PARP14: variants seen among roughly 807,000 people sequenced by gnomAD.
The protein encoded by PARP14 is protein mono-ADP-ribosyltransferase PARP14.
PARP14 carries 59 observed loss-of-function variants against 154.2 expected under a neutral mutation model. The observed-to-expected ratio is 0.38, with a 90% CI of 0.31 to 0.48. The LOEUF is 0.48. Among genes scored for constraint, PARP14 ranks in the 20% least tolerant of loss-of-function variants. The probability of loss-of-function intolerance (pLI) is 0.98; values close to 1 mark genes in which losing one functional copy is unlikely to be tolerated. For synonymous variants in PARP14, 720 were observed against 780.5 expected, an observed-to-expected ratio of 0.92 and a Z score of 1.29; for missense variants, 1,734 against 2,131.6, an observed-to-expected ratio of 0.81 and a Z score of 3.67.
chr3:122,718,853 G>A lies in PARP14; in HGVS notation c.4702G>A (p.Asp1568Asn). 6.2e-7 allele frequency: 1 copy of A among 1,613,928 alleles called. No homozygotes were observed. Among genetic ancestry groups the A allele is most frequent in the Non-Finnish European group, 8.5e-7 (1 of 1,179,860 alleles). Residue 1568 changes from aspartate to asparagine, a missense_variant, in exon 14 of 17, where the codon GAT (aspartate) becomes AAT (asparagine). Asp to Asn is a conservative substitution (Grantham distance 23). Coordinates refer to ENST00000474629, the MANE Select transcript of PARP14 (RefSeq NM_017554.3). ...AAGGAGAGAAAAGAAAAAAACAGTT[G>A]ATGTCAAAATTAATCATCGGCACTA... ...DARREKKKTV[D>N]VKINHRHYTV...
rs185949003 is a variant in PARP14 at position 122,688,137 on chromosome 3, C to A, written c.355+1024C>A. ...TTCCTGCTTTCCATTCCTCACTTGT[C>A]GAACTGGCTCCCCCAGCTCCCAGTG... On this transcript the variant is annotated intron_variant, in intron 3 of 16. Transcript: ENST00000474629. Among the ~76,000 whole-genome samples, 17 of 151,606 alleles carry A rather than the reference C, an allele frequency of 1.1e-4. No individual in the cohort carries two copies. The East Asian group carries it at 3.3e-3, about 29-fold the overall frequency.
intron 12 of PARP14, among the ~76,000 whole-genome samples, chr3:122,716,539 C>G (rs189200609): frequency 1.3e-5 from 2 of 152,130 alleles, no homozygotes; most frequent in South Asian, 4.1e-4. Context: ...GCAACGTGAA[C>G]CATGATATAG....
At position 122,692,931 on chromosome 3, in the gene PARP14, T is replaced by C. The variant is rs151182937; in HGVS notation, c.598+388T>C. The stretch of plus-strand genomic sequence containing the variant: ...GAAGTAAATATTTGTATTACCAAAC[T>C]GGACTTCATGGAAGGTAATGATAAC... On this transcript the variant is annotated intron_variant, in intron 4 of 16. Transcript: ENST00000474629. Among the ~76,000 whole-genome samples the C allele has an allele frequency of 8.8e-3, 1,340 of 152,316 alleles. 17 individuals are homozygous for C. Among genetic ancestry groups the C allele is most frequent in the African/African-American group, 0.03 (1,264 of 41,576 alleles).
intron 1 of PARP14, among the ~76,000 whole-genome samples, chr3:122,684,772 T>C (rs1253886222): frequency 6.6e-6 from 1 of 152,220 alleles, no homozygotes; most frequent in African/African-American, 2.4e-5. Flanking sequence ...CTGGCTCCCA[T>C]TGAAGGATGC....
At position 122,700,729 on chromosome 3, in the gene PARP14, G is replaced by A. The variant is rs1371928187; in HGVS notation, c.2175G>A (p.Leu725=). ...ILLTGSKTEV[L]KAVDIVKQVW... Reference sequence around the variant, plus strand: ...TAACTGGCTCAAAGACCGAAGTACTGAAGGCAGTGGACATTGTCAAGCAAG... The same window carrying A: ...TAACTGGCTCAAAGACCGAAGTACTAAAGGCAGTGGACATTGTCAAGCAAG... The change falls in exon 6 of 17, where the codon CTG becomes CTA. Residue 725 remains leucine (L), a synonymous_variant. Transcript: ENST00000474629. 6.2e-7 allele frequency: 1 copy of A among 1,613,138 alleles called. No individual in the cohort carries two copies.
At chr3:122,710,327 T>G (rs1270374672) in intron 9 of PARP14, among the ~76,000 whole-genome samples, 1 of 152,170 alleles carries the variant, frequency 6.6e-6, no homozygotes, top group African/African-American at 2.4e-5. Flanking sequence ...CTTTCCCCAA[T>G]TTATGTTTTT....
intron 4 of PARP14, among the ~76,000 whole-genome samples, chr3:122,692,793 G>A (rs1230759643): frequency 1.3e-5 from 2 of 152,318 alleles, no homozygotes; most frequent in East Asian, 3.9e-4. Flanking sequence ...GAGAGAGAGA[G>A]AGAGACAGGC....
In PARP14 at chr3:122,692,310, A is replaced by G. The variant is rs1203303621; in HGVS notation, c.365A>G (p.Glu122Gly). The change falls in exon 4 of 17, where the codon GAA becomes GGA. Residue 122 changes from glutamate (E) to glycine (G), a missense_variant. Glu to Gly is a moderately conservative substitution (Grantham distance 98). This residue lies in a region of PARP14 where 1,646 missense variants were observed against 1,976.0 expected (regional missense o/e 0.83). Transcript: ENST00000474629. Reference sequence around the variant, plus strand: ...GTCTTCCTAAAATCAGATGTGTCAGAAGAATTGGATACAAAACTCCCTCTT... The same window carrying G: ...GTCTTCCTAAAATCAGATGTGTCAGGAGAATTGGATACAAAACTCCCTCTT... ...KEDVKEPDVS[E>G]ELDTKLPLDG... 3 of 1,611,090 alleles carry G rather than the reference A, an allele frequency of 1.9e-6. No individual in the cohort carries two copies. The highest frequency in any genetic ancestry group is 2.5e-6 in the Non-Finnish European group (3 of 1,177,634).
Position 122,687,092 on chromosome 3 carries a change from AAAG to A in PARP14, c.339_341del (p.Glu113del), listed in dbSNP as rs1223170617. ...GTTTGTGTTTCAGGAATCCAAGACC[AAAG>A]AAGATGTTAAAGAACCAGGTAAAAT... On this transcript the variant is annotated inframe_deletion, in exon 3 of 17. Transcript: ENST00000474629. 2 of 1,593,734 alleles carry A rather than the reference AAAG, an allele frequency of 1.3e-6. No individual in the cohort carries two copies. Among genetic ancestry groups the A allele is most frequent in the South Asian group, 2.3e-5 (2 of 88,282 alleles).
chr3:122,692,396 G>A lies in PARP14; in HGVS notation c.451G>A (p.Val151Met). 2 of 1,613,722 alleles carry A rather than the reference G, an allele frequency of 1.2e-6. No homozygotes were observed. Among genetic ancestry groups the A allele is most frequent in the African/African-American group, 1.3e-5 (1 of 75,024 alleles). The change falls in exon 4 of 17, where the codon GTG becomes ATG. Residue 151 changes from valine (V) to methionine (M), a missense_variant. By Grantham distance (21) the Val-to-Met change is conservative. This residue lies in a region of PARP14 where 1,646 missense variants were observed against 1,976.0 expected (regional missense o/e 0.83). Transcript: ENST00000474629. ...PEECENISSL[V>M]AFENLKANVT... ...GGAATGTGAAAATATTTCCTCTTTG[G>A]TGGCATTTGAAAACCTCAAGGCAAA...
Position 122,692,348 on chromosome 3 carries a change from G to A in PARP14, c.403G>A (p.Asp135Asn). The change falls in exon 4 of 17, where the codon GAC (aspartate) becomes AAC (asparagine). Residue 135 changes from aspartate to asparagine, a missense_variant. By Grantham distance (23) the Asp-to-Asn change is conservative (BLOSUM62 1). Coordinates refer to ENST00000474629, the MANE Select transcript of PARP14 (RefSeq NM_017554.3). ...DTKLPLDGGL[D>N]KMEDIPEECE... Reference sequence around the variant, plus strand: ...AAAACTCCCTCTTGATGGTGGATTAGACAAAATGGAAGATATCCCAGAGGA... The same window carrying A: ...AAAACTCCCTCTTGATGGTGGATTAAACAAAATGGAAGATATCCCAGAGGA... 1 of 1,613,226 alleles carries A rather than the reference G, an allele frequency of 6.2e-7. No individual in the cohort carries two copies. Among genetic ancestry groups the A allele is most frequent in the East Asian group, 2.2e-5 (1 of 44,856 alleles).
At chr3:122,690,012 A>G (rs1312872191) in intron 3 of PARP14, among the ~76,000 whole-genome samples, 2 of 152,034 alleles carry the variant, frequency 1.3e-5, no homozygotes, top group African/African-American at 4.8e-5. Context: ...TCTCTACCCA[A>G]TTCCACATAC....
chr3:122,718,031 CT>C (rs1383291597), intron 12 of PARP14, 39 bp from the exon 13 acceptor site: 3 of 1,534,230 alleles, frequency 2.0e-6, no homozygotes, highest in African/African-American at 1.4e-5. Context: ...CCACTTGGGG[CT>C]TTTTTGTCCT....
rs1292970524 is a variant in PARP14, at chr3:122,681,079, C to T, written c.187+9C>T. On this transcript the variant is annotated intron_variant, in intron 1 of 16. Coordinates refer to ENST00000474629, the MANE Select transcript of PARP14 (RefSeq NM_017554.3). The surrounding 1 kb of genome is among the most constrained non-coding windows in gnomAD (Gnocchi z 5.5). The stretch of plus-strand genomic sequence containing the variant: ...CTTCTACCCGGAGGACGGTGAGGGG[C>T]GCGAGGGGTGGGGTGAGGAGGGGGC... 6.3e-7 allele frequency: 1 copy of T among 1,596,374 alleles called. No individual in the cohort carries two copies. The highest frequency in any genetic ancestry group is 1.7e-5 in the Admixed American group (1 of 59,672).
At position 122,700,911 on chromosome 3, in the gene PARP14, G is replaced by T. The variant is rs576080149; in HGVS notation, c.2357G>T (p.Ser786Ile). ...QENEVMKEGG[S>I]PAGQKCFSRT... is the part of the protein sequence containing the mutation. The stretch of plus-strand genomic sequence containing the variant: ...AATGAAGTAATGAAGGAGGGAGGCA[G>T]CCCCGCTGGGCAGAAGTGCTTCTCT... Residue 786 changes from serine to isoleucine, a missense_variant, in exon 6 of 17, where the codon AGC becomes ATC. Transcript: ENST00000474629. 2 of 1,614,014 alleles carry T rather than the reference G, an allele frequency of 1.2e-6. No homozygotes were observed. Among genetic ancestry groups the T allele is most frequent in the African/African-American group, 2.7e-5 (2 of 75,064 alleles).
At chr3:122,723,562 T>C (rs1933211468) in intron 15 of PARP14, among the ~76,000 whole-genome samples, 1 of 152,198 alleles carries the variant, frequency 6.6e-6, no homozygotes, top group Non-Finnish European at 1.5e-5. Flanking sequence ...TTATTTCTGG[T>C]AAGCTGAGTT....
Position 122,730,663 on chromosome 3 carries a change from G to A in PARP14, c.*2066G>A, listed in dbSNP as rs1308702584. 1.2e-4 allele frequency: 18 copies of A among 152,624 alleles called. No homozygotes were observed. The highest frequency in any genetic ancestry group is 2.6e-4 in the Non-Finnish European group (18 of 68,044). The allele number at this position is 152,624 out of a possible 1,614,324, so 9.5% of individuals were successfully genotyped here. A position where few individuals can be genotyped will look rare whatever the true frequency, so the allele number is the denominator to read the frequency against. ...GTAAGAAATTGGAATAAAAAAGAGAGACCTGCTGTTATTCGCTTTTGTTCT... is the reference window on the plus strand; with the variant it reads ...GTAAGAAATTGGAATAAAAAAGAGAAACCTGCTGTTATTCGCTTTTGTTCT... On this transcript the variant is annotated 3_prime_UTR_variant, in exon 17 of 17. Transcript: ENST00000474629.
chr3:122,704,120 C>G (rs1939073248), intron 7 of PARP14, 142 bp downstream of exon 7: 4 of 640,138 alleles, frequency 6.2e-6, no homozygotes, highest in Non-Finnish European at 1.1e-5. Context: ...CATCATGTGG[C>G]CATTTCTTTC....
Position 122,703,009 on chromosome 3 carries a change from AAC to A in PARP14, c.3082-731_3082-730del, listed in dbSNP as rs1337635949. On this transcript the variant is annotated intron_variant, in intron 6 of 16. Coordinates refer to ENST00000474629, the MANE Select transcript of PARP14 (RefSeq NM_017554.3). ...CCTCTCTCTTAAAAAAAAAAAAAAA[AAC>A]AAAAAAAAAAAACAAAAAACAAAAA... Among the ~76,000 whole-genome samples, 84 of 96,482 alleles carry A rather than the reference AAC, an allele frequency of 8.7e-4. 2 individuals carry two copies. The highest frequency in any genetic ancestry group is 1.2e-3 in the Non-Finnish European group (48 of 40,490). The allele number at this position is 96,482 out of a possible 152,430, so 63.3% of individuals were successfully genotyped here.
Sources: gnomAD v4.1 joint callset for allele counts (sites outside exome capture counted in the v4.1 genomes callset) on GRCh38, gnomAD v4.1.1 for gene constraint, gnomAD v4.1.1 regional missense constraint, Gnocchi (gnomAD v3.1) non-coding constraint, MANE v1.5 for transcripts, NCBI Gene and HGNC (gene_info 2026-07-23, HGNC 2026-07-21) for gene names.